Variants in TUBA1C observed in about 807,000 individuals in gnomAD.
The protein encoded by TUBA1C is tubulin alpha 1c.
A neutral mutation model predicts 34.9 loss-of-function variants in TUBA1C; 16 were observed. The ratio of observed to expected loss-of-function variants is 0.46; its 90% confidence interval spans 0.31 to 0.70. The LOEUF (loss-of-function observed/expected upper bound fraction) is 0.70. TUBA1C is among the 30% of genes least tolerant of loss of function. The pLI is 0.05. For missense variants in TUBA1C, 329 were observed against 587.3 expected (o/e 0.56, Z 4.55); for synonymous variants, 177 against 215.9 (o/e 0.82, Z 1.58).
chr12:49,239,492 T>A (rs1942589808), intron 1 of TUBA1C, among the ~76,000 whole-genome samples: 1 of 151,752 alleles, frequency 6.6e-6, no homozygotes, highest in South Asian at 2.1e-4. Flanking sequence ...AATACAAAAA[T>A]TAGCCAGGTG....
At chr12:49,257,265 T>C (rs1256587571) in intron 1 of TUBA1C, among the ~76,000 whole-genome samples, 1 of 152,040 alleles carries the variant, frequency 6.6e-6, no homozygotes, top group African/African-American at 2.4e-5. Flanking sequence ...TGCGCTGCTG[T>C]GTGACCTCAG....
chr12:49,250,162 G>A (rs1167434342), intron 1 of TUBA1C, among the ~76,000 whole-genome samples: 12 of 152,054 alleles, frequency 7.9e-5, no homozygotes, highest in Admixed American at 7.9e-4. Context: ...TCGTGCCACT[G>A]CACTGCAACC....
intron 1 of TUBA1C, among the ~76,000 whole-genome samples, chr12:49,236,901 C>G (rs1942560715): frequency 6.6e-6 from 1 of 152,140 alleles, no homozygotes. Context: ...TCTTACGGAA[C>G]CACCATCATT....
At chr12:49,230,295 G>A (rs968012766) in intron 1 of TUBA1C, among the ~76,000 whole-genome samples, 3 of 152,156 alleles carry the variant, frequency 2.0e-5, no homozygotes, top group African/African-American at 7.2e-5. Context: ...ATGGGGCAGG[G>A]AGAGACAGGT....
chr12:49,271,679 A>G (rs909440586), intron 3 of TUBA1C, among the ~76,000 whole-genome samples: 6 of 152,110 alleles, frequency 3.9e-5, no homozygotes, highest in Admixed American at 6.5e-5. Context: ...CTGTTGTTCC[A>G]CCTCAGAAAG....
At chr12:49,229,292 C>G (rs1346821304) in intron 1 of TUBA1C, among the ~76,000 whole-genome samples, 4 of 152,152 alleles carry the variant, frequency 2.6e-5, no homozygotes, top group African/African-American at 9.7e-5. Context: ...TTTGCCTCAG[C>G]CTCCCGAATA....
In TUBA1C at chr12:49,238,654, T is replaced by C. The variant is rs991281784; in HGVS notation, c.213+10488T>C. Among the ~76,000 whole-genome samples the C allele has an allele frequency of 1.2e-4, 18 of 152,298 alleles. No individual in the cohort carries two copies. The East Asian group carries it at 3.3e-3, about 28-fold the overall frequency. ...GGTTTATTACAAAAGATATTCATTT[T>C]AAAATTTTTTTGCTTATTTTTATAT... On this transcript the variant is annotated intron_variant, in intron 1 of 3. Coordinates refer to the TUBA1C transcript ENST00000541364.
rs893995393 is a variant in TUBA1C, at chr12:49,273,171, T to C, written c.1294T>C (p.Tyr432His). The C allele has an allele frequency of 6.2e-7, 1 of 1,613,976 alleles. No homozygotes were observed. Among genetic ancestry groups the C allele is most frequent in the Non-Finnish European group, 8.5e-7 (1 of 1,180,006 alleles). Residue 432 changes from tyrosine to histidine, a missense_variant, in exon 4 of 4, where the codon TAT (tyrosine) becomes CAT (histidine). By Grantham distance (83) the Tyr-to-His change is moderately conservative. This residue lies in a region of TUBA1C where 34 missense variants were observed against 31.8 expected (regional missense o/e 1.07). Coordinates refer to ENST00000301072, the MANE Select transcript of TUBA1C (RefSeq NM_032704.5). ...REDMAALEKD[Y>H]EEVGADSADG... is the part of the protein sequence containing the mutation. ...GGACATGGCTGCCCTTGAGAAGGAT[T>C]ATGAGGAGGTTGGAGCAGATAGTGC...
rs191621747 is a variant in TUBA1C at position 49,256,741 on chromosome 12, G to T, written c.214-12724G>T. Among the ~76,000 whole-genome samples the T allele has an allele frequency of 1.4e-3, 208 of 152,314 alleles. 1 individual carries two copies. The highest frequency in any genetic ancestry group is 2.3e-3 in the Non-Finnish European group (158 of 68,032). Reference sequence around the variant, plus strand: ...GGCCTGCAAGTGCAGACCCTCATCTGTTAGAACCCTGTTCCAGCCTCCTTC... The same window carrying T: ...GGCCTGCAAGTGCAGACCCTCATCTTTTAGAACCCTGTTCCAGCCTCCTTC... On this transcript the variant is annotated intron_variant, in intron 1 of 3. Transcript: ENST00000541364.
intron 1 of TUBA1C, among the ~76,000 whole-genome samples, chr12:49,265,956 T>TA (rs1942902817): frequency 4.5e-5 from 4 of 89,804 alleles, no homozygotes; most frequent in South Asian, 1.0e-3. Flanking sequence ...CGTCTCTACT[T>TA]TAAAAAAAAA....
At chr12:49,246,402 G>A (rs933718360) in intron 1 of TUBA1C, among the ~76,000 whole-genome samples, 3 of 151,670 alleles carry the variant, frequency 2.0e-5, no homozygotes, top group East Asian at 2.0e-4. Flanking sequence ...GAACTTGGCC[G>A]GGCGCGGTGG....
upstream of TUBA1C, among the ~76,000 whole-genome samples, chr12:49,261,779 AATGTTTTGTG>A (rs1276588430): frequency 1.3e-5 from 2 of 152,164 alleles, no homozygotes; most frequent in Non-Finnish European, 2.9e-5. Context: ...TCTCTTTACT[AATGTTTTGTG>A]ATGTTTTGTG....
intron 1 of TUBA1C, among the ~76,000 whole-genome samples, chr12:49,241,314 C>T (rs922560482): frequency 1.3e-5 from 2 of 152,168 alleles, no homozygotes; most frequent in African/African-American, 4.8e-5. Flanking sequence ...TTTGCACCCC[C>T]AGTGCCTAAC....
chr12:49,265,006 G>A, upstream of TUBA1C: 1 of 927,288 alleles, frequency 1.1e-6, no homozygotes, highest in Non-Finnish European at 1.4e-6. Context: ...GGCACGGGGC[G>A]GGGTCTGGGG....
intron 1 of TUBA1C, among the ~76,000 whole-genome samples, chr12:49,258,218 T>C (rs1006489525): frequency 2.0e-5 from 3 of 152,014 alleles, no homozygotes; most frequent in Non-Finnish European, 2.9e-5. Context: ...GAAGGAAACA[T>C]GTTTTCAAGT....
chr12:49,260,783 T>A (rs191320207), upstream of TUBA1C, among the ~76,000 whole-genome samples: 1 of 152,252 alleles, frequency 6.6e-6, no homozygotes, highest in African/African-American at 2.4e-5. Context: ...CAGGCTGGAG[T>A]GCAGTTGCAT....
chr12:49,233,457 A>C (rs1322639660), intron 1 of TUBA1C: 3 of 152,206 alleles, frequency 2.0e-5, no homozygotes, highest in Non-Finnish European at 4.4e-5. Flanking sequence ...CCAGATTGTG[A>C]AGATTACAGC....
At chr12:49,233,494 G>A (rs984573574) in intron 1 of TUBA1C, 5 of 152,178 alleles carry the variant, frequency 3.3e-5, no homozygotes, top group African/African-American at 1.2e-4. Flanking sequence ...AGGACTTGGG[G>A]GCCCAACATT....
chr12:49,243,615 C>CTATT (rs1458210443), intron 1 of TUBA1C, among the ~76,000 whole-genome samples: 1 of 151,966 alleles, frequency 6.6e-6, no homozygotes, highest in African/African-American at 2.4e-5. Flanking sequence ...ATTATTTTAT[C>CTATT]TATTTATTTA....
Sources: allele counts gnomAD v4.1 joint callset (sites outside exome capture counted in the v4.1 genomes callset), GRCh38; gene constraint gnomAD v4.1.1; regional missense constraint gnomAD v4.1.1; transcripts MANE v1.5; gene names NCBI Gene and HGNC (gene_info 2026-07-23, HGNC 2026-07-21).